Variants in ABR observed in about 807,000 individuals in gnomAD.
The protein encoded by ABR is active breakpoint cluster region-related protein.
ABR carries 35 observed loss-of-function variants against 107.2 expected under a neutral mutation model. The observed-to-expected ratio is 0.33, with a 90% CI of 0.25 to 0.43. ABR has a LOEUF of 0.43. Ranked by LOEUF, ABR falls within the 20% of genes least tolerant of loss-of-function variation. ABR has a pLI of 1.00. For synonymous variants in ABR, 498 were observed against 462.0 expected (o/e 1.08, Z -1.00); for missense variants, 815 against 1,115.2 (o/e 0.73, Z 3.83).
chr17:1,087,054 A>AG (rs879736516), intron 4 of ABR, among the ~76,000 whole-genome samples: 4 of 152,004 alleles, frequency 2.6e-5, no homozygotes, highest in Non-Finnish European at 5.9e-5. Context: ...AAGAGGGAGG[A>AG]GGGAGGGGAG....
chr17:1,208,708 G>A (rs1415955515), intron 1 of ABR, among the ~76,000 whole-genome samples: 1 of 152,082 alleles, frequency 6.6e-6, no homozygotes, highest in Non-Finnish European at 1.5e-5. Context: ...CTAACACGGT[G>A]AAACCCCATC....
rs2040643461 is a variant in ABR at position 1,148,415 on chromosome 17, T to C, written c.62-23048A>G. On this transcript the variant is annotated intron_variant, in intron 1 of 22. Transcript: ENST00000302538. This position sits in a 1 kb window ranked among gnomAD's most constrained non-coding sequence, Gnocchi z 4.9. ...TTCATCAAGTCAGAAAGTAGGAGGG[T>C]GGTGGCCAGGAGCTGGGGGCTGGAG... 6.6e-6 allele frequency among the ~76,000 whole-genome samples: 1 copy of C among 151,886 alleles called. No homozygotes were observed. The highest frequency in any genetic ancestry group is 1.5e-5 in the Non-Finnish European group (1 of 67,968).
intron 14 of ABR, chr17:1,055,442 C>T (rs2589492): frequency 0.099 from 15,063 of 152,434 alleles, 855 homozygotes; most frequent in South Asian, 0.2. Flanking sequence ...GGTCACACAG[C>T]TTGTCATGGG....
intron 1 of ABR, among the ~76,000 whole-genome samples, chr17:1,146,892 G>GGCCA (rs2040578240): frequency 6.8e-6 from 1 of 147,130 alleles, no homozygotes; most frequent in Non-Finnish European, 1.5e-5. Flanking sequence ...CACCACTGCC[G>GGCCA]CCACTGCCAC....
Position 1,213,118 on chromosome 17 carries a change from A to G in ABR, c.838+15675T>C, listed in dbSNP as rs193207655. Among the ~76,000 whole-genome samples, 24 of 152,316 alleles carry G rather than the reference A, an allele frequency of 1.6e-4. No homozygotes were observed. The East Asian group carries it at 2.7e-3, about 17-fold the overall frequency. On this transcript the variant is annotated intron_variant, in intron 1 of 22. Transcript: ENST00000574139. ...TAAACAAGCTGCAGCCCAGAAACGA[A>G]AGCTGGTTATTTCCACTTTTCAGCT...
At chr17:1,112,612 G>GGAGGAAGGAAGGAAGGAAGA (rs2038740658) in intron 2 of ABR, among the ~76,000 whole-genome samples, 1 of 151,042 alleles carries the variant, frequency 6.6e-6, no homozygotes, top group Non-Finnish European at 1.5e-5. Context: ...AGGGAGGGAG[G>GGAGGAAGGAAGGAAGGAAGA]GAGGAAGGAA....
At chr17:1,165,963 G>T (rs1191617687) in intron 1 of ABR, among the ~76,000 whole-genome samples, 1 of 151,608 alleles carries the variant, frequency 6.6e-6, no homozygotes, top group Non-Finnish European at 1.5e-5. Context: ...CCACGCAGAT[G>T]ACCTCAGCTC....
chr17:1,021,495 C>T (rs1180835229), intron 16 of ABR, among the ~76,000 whole-genome samples: 1 of 152,214 alleles, frequency 6.6e-6, no homozygotes, highest in South Asian at 2.1e-4. Context: ...GAGGGGGTTG[C>T]AGAGGTTCAT....
At chr17:1,018,218 AT>A (rs1039800695) in intron 16 of ABR, among the ~76,000 whole-genome samples, 2 of 151,182 alleles carry the variant, frequency 1.3e-5, no homozygotes, top group Admixed American at 6.6e-5. Flanking sequence ...AATTTTTTGT[AT>A]TTTTAGTAGA....
intron 17 of ABR, 105 bp from the exon 18 acceptor site, chr17:1,012,902 C>T (rs2070749692): frequency 9.0e-7 from 1 of 1,116,108 alleles, no homozygotes; most frequent in Non-Finnish European, 1.3e-6. Flanking sequence ...TGAGGGCTAG[C>T]TCACACCCAG....
chr17:1,078,856 C>G lies in ABR; in HGVS notation c.700+474G>C. On this transcript the variant is annotated intron_variant, in intron 6 of 22. Coordinates refer to ENST00000302538, the MANE Select transcript of ABR (RefSeq NM_021962.5). This position sits in a 1 kb window ranked among gnomAD's most constrained non-coding sequence, Gnocchi z 7.5. Reference sequence around the variant, plus strand: ...CAGAAGCGAATAATGAGGAGAATCTCCATGGCAGCCTCTGTCCCCGCGGCG... The same window carrying G: ...CAGAAGCGAATAATGAGGAGAATCTGCATGGCAGCCTCTGTCCCCGCGGCG... 2.0e-6 allele frequency: 3 copies of G among 1,535,602 alleles called. No individual in the cohort carries two copies. Among genetic ancestry groups the G allele is most frequent in the Non-Finnish European group, 2.6e-6 (3 of 1,146,826 alleles).
chr17:1,169,443 G>A (rs927919354), intron 1 of ABR, among the ~76,000 whole-genome samples: 1 of 152,186 alleles, frequency 6.6e-6, no homozygotes, highest in African/African-American at 2.4e-5. Context: ...TGGGAAATGG[G>A]CTCAAAAGAT....
intron 1 of ABR, among the ~76,000 whole-genome samples, chr17:1,222,061 T>C (rs72816234): frequency 0.49 from 72,369 of 147,098 alleles, 18,525 homozygotes; most frequent in Non-Finnish European, 0.56. Context: ...AACAGCACCA[T>C]GGAGGATCCC....
At chr17:1,042,029 C>T (rs767097952) in intron 16 of ABR, among the ~76,000 whole-genome samples, 2 of 152,192 alleles carry the variant, frequency 1.3e-5, no homozygotes, top group Non-Finnish European at 2.9e-5. Flanking sequence ...TCATCTATTA[C>T]AGCTGGGAGG....
chr17:1,072,663 T>C lies in ABR; in HGVS notation c.845A>G (p.Asn282Ser), dbSNP rs756479674. ...RISQNFLSSI[N>S]EDIDPRRTAV... ...AGTCCGGCGGGGGTCGATGTCCTCG[T>C]TGATGCTGGACAGGAAGTTCTGGGA... Residue 282 changes from asparagine (N) to serine (S), a missense_variant, in exon 8 of 23, where the codon AAC (asparagine) becomes AGC (serine). By Grantham distance (46) the Asn-to-Ser change is conservative. Coordinates refer to ENST00000302538, the MANE Select transcript of ABR (RefSeq NM_021962.5). The C allele has an allele frequency of 6.2e-7, 1 of 1,613,096 alleles. No individual in the cohort carries two copies. The highest frequency in any genetic ancestry group is 8.5e-7 in the Non-Finnish European group (1 of 1,179,544).
chr17:1,096,948 G>A lies in ABR; in HGVS notation c.345+3689C>T, dbSNP rs566139120. Among the ~76,000 whole-genome samples the A allele has an allele frequency of 1.9e-4, 27 of 138,528 alleles. No individual in the cohort carries two copies. The East Asian group carries it at 4.6e-3, about 23-fold the overall frequency. 90.9% of individuals were successfully genotyped at this position (138,528 alleles called of 152,430 possible). A position where few individuals can be genotyped will look rare whatever the true frequency, so the allele number is the denominator to read the frequency against. On this transcript the variant is annotated intron_variant, in intron 3 of 22. Coordinates refer to ENST00000302538, the MANE Select transcript of ABR (RefSeq NM_021962.5). ...AGCTGGGGAAGGGGGGAACCTGCCC[G>A]GGGAGGAGAGAGCCGGGGAAGGGGG...
intron 6 of ABR, among the ~76,000 whole-genome samples, chr17:1,074,743 C>T (rs940365695): frequency 6.6e-6 from 1 of 152,212 alleles, no homozygotes; most frequent in Non-Finnish European, 1.5e-5. Flanking sequence ...GCTCTGCTCC[C>T]CGAGGCCAGC....
intron 5 of ABR, chr17:1,083,293 CCT>C (rs2036384142): frequency 4.3e-6 from 1 of 232,942 alleles, no homozygotes; most frequent in Non-Finnish European, 8.2e-6. Context: ...TTTTGCCTCC[CCT>C]GTTCCTCTCT....
chr17:1,139,730 A>G (rs946321476), intron 1 of ABR, among the ~76,000 whole-genome samples: 2 of 152,248 alleles, frequency 1.3e-5, no homozygotes, highest in Non-Finnish European at 1.5e-5. Flanking sequence ...GTGGGAAACC[A>G]GATGGACACA....
Sources: gnomAD v4.1 joint callset for allele counts (sites outside exome capture counted in the v4.1 genomes callset) on GRCh38, gnomAD v4.1.1 for gene constraint, Gnocchi (gnomAD v3.1) non-coding constraint, MANE v1.5 for transcripts, NCBI Gene and HGNC (gene_info 2026-07-23, HGNC 2026-07-21) for gene names.